OR7C1: variants seen among roughly 807,000 people sequenced by gnomAD.
OR7C1 encodes olfactory receptor 7C1.
For synonymous variants in OR7C1, 152 were observed against 160.7 expected (o/e 0.95, Z 0.41); for missense variants, 324 against 383.3 (o/e 0.85, Z 1.29).
chr19:14,802,537 A>G (rs2044646955), intron 2 of OR7C1, among the ~76,000 whole-genome samples: 1 of 152,184 alleles, frequency 6.6e-6, no homozygotes, highest in African/African-American at 2.4e-5. Context: ...ATAATTAAAG[A>G]AAGATAATAA....
In OR7C1 at chr19:14,827,186, A is replaced by G. The variant is rs2044775915; in HGVS notation, c.-623+7888T>C. 4.0e-6 allele frequency: 5 copies of G among 1,256,570 alleles called. No homozygotes were observed. In the South Asian group the frequency reaches 1.3e-4, roughly 32 times the overall value. The allele number at this position is 1,256,570 out of a possible 1,614,324, so 77.8% of individuals were successfully genotyped here. A position where few individuals can be genotyped will look rare whatever the true frequency, so the allele number is the denominator to read the frequency against. On this transcript the variant is annotated intron_variant, in intron 1 of 4. Coordinates refer to ENST00000641666, the Ensembl canonical transcript of OR7C1. ...GAAATCACAACAAATTGAAACTCCC[A>G]GAAATATAATAAGTATTAATAGAAG...
At chr19:14,824,636 C>G (rs1199478878) in intron 1 of OR7C1, 4 of 152,110 alleles carry the variant, frequency 2.6e-5, no homozygotes, top group Admixed American at 2.6e-4. Flanking sequence ...TGATGAGCAC[C>G]TGCAATGATT....
chr19:14,818,537 G>A (rs953709818), intron 1 of OR7C1, among the ~76,000 whole-genome samples: 4 of 152,218 alleles, frequency 2.6e-5, no homozygotes, highest in African/African-American at 9.6e-5. Context: ...ATCGATTAGT[G>A]GGTTTGTTAG....
At chr19:14,800,270 C>CT in exon 4 of OR7C1, 2 of 1,018,504 alleles carry the variant, frequency 2.0e-6, no homozygotes, top group Middle Eastern at 3.3e-4. Flanking sequence ...TTCTTGCTGT[C>CT]TTTTTCTGGG....
intron 2 of OR7C1, among the ~76,000 whole-genome samples, chr19:14,804,244 T>G (rs963096290): frequency 3.9e-5 from 6 of 152,160 alleles, no homozygotes; most frequent in African/African-American, 1.4e-4. Flanking sequence ...CTGCAAAGGT[T>G]GGGAGATTTT....
At chr19:14,833,751 T>C (rs2044856936) in intron 1 of OR7C1, among the ~76,000 whole-genome samples, 1 of 152,174 alleles carries the variant, frequency 6.6e-6, no homozygotes, top group South Asian at 2.1e-4. Context: ...TGATCAAATA[T>C]ATGAATATTT....
At chr19:14,813,459 G>A (rs1158124704) in intron 1 of OR7C1, among the ~76,000 whole-genome samples, 2 of 152,066 alleles carry the variant, frequency 1.3e-5, no homozygotes, top group Non-Finnish European at 2.9e-5. Context: ...GGAGGCTGAG[G>A]CAGGAGAATG....
chr19:14,827,498 G>A lies in OR7C1; in HGVS notation c.-623+7576C>T, dbSNP rs2044781154. ...CTAGGATTGCACCATAAAATAAGGA[G>A]ACAACTGAGAGGTGAGATGCACAGG... On this transcript the variant is annotated intron_variant, in intron 1 of 4. Coordinates refer to ENST00000641666, the Ensembl canonical transcript of OR7C1. 1.4e-5 allele frequency: 22 copies of A among 1,614,036 alleles called. No homozygotes were observed. The East Asian group carries it at 4.9e-4, about 36-fold the overall frequency.
intron 1 of OR7C1, chr19:14,826,523 C>T (rs2044769198): frequency 6.6e-6 from 1 of 152,128 alleles, no homozygotes; most frequent in South Asian, 2.1e-4. Flanking sequence ...TATATGGGCA[C>T]TAAGCTTCCA....
At chr19:14,827,308 C>T in intron 1 of OR7C1, 1 of 1,556,300 alleles carries the variant, frequency 6.4e-7, no homozygotes. Flanking sequence ...AAAAATTGCC[C>T]TTTCATTGTT....
chr19:14,827,067 A>G, intron 1 of OR7C1: 1 of 410,934 alleles, frequency 2.4e-6, no homozygotes, highest in Admixed American at 4.1e-5. Flanking sequence ...AATAACCTTG[A>G]GAAAGTAGGA....
rs547266762 is a variant in OR7C1 at position 14,815,644 on chromosome 19, C to T, written c.-622-5651G>A. Among the ~76,000 whole-genome samples, 7 of 152,280 alleles carry T rather than the reference C, an allele frequency of 4.6e-5. No homozygotes were observed. The South Asian group carries it at 1.5e-3, about 32-fold the overall frequency. On this transcript the variant is annotated intron_variant, in intron 1 of 4. Transcript: ENST00000641666. ...GGGGGTTTAAAAGTTAACATAGCCA[C>T]ATAAACATGTTTCCCTTAGTTTAGA...
In OR7C1 at chr19:14,816,736, A is replaced by G. The variant is rs537630208; in HGVS notation, c.-622-6743T>C. On this transcript the variant is annotated intron_variant, in intron 1 of 4. Transcript: ENST00000641666. ...AATACTCCTTAATAAACTCCACTTC[A>G]TATATATATCTATCCTATTAGTTCT... Among the ~76,000 whole-genome samples the G allele has an allele frequency of 6.9e-4, 105 of 152,278 alleles. 2 individuals are homozygous for G. In the South Asian group the frequency reaches 0.021, roughly 30 times the overall value.
intron 1 of OR7C1, among the ~76,000 whole-genome samples, chr19:14,816,488 G>A (rs1599918781): frequency 1.3e-5 from 2 of 152,162 alleles, no homozygotes; most frequent in Admixed American, 1.3e-4. Context: ...TTCTCCCATG[G>A]TGAATGCTTC....
chr19:14,831,274 A>G lies in OR7C1; in HGVS notation c.-623+3800T>C, dbSNP rs555295450. Among the ~76,000 whole-genome samples, 11 of 152,292 alleles carry G rather than the reference A, an allele frequency of 7.2e-5. No individual in the cohort carries two copies. In the South Asian group the frequency reaches 2.1e-3, roughly 29 times the overall value. Reference sequence around the variant, plus strand: ...ACAATTCACAAAAAGAAACATACAAACAATGACAAGATTTGGGCATTTTTA... The same window carrying G: ...ACAATTCACAAAAAGAAACATACAAGCAATGACAAGATTTGGGCATTTTTA... On this transcript the variant is annotated intron_variant, in intron 1 of 4. Transcript: ENST00000641666.
exon 5 of OR7C1, chr19:14,798,841 A>G: frequency 4.9e-6 from 1 of 205,914 alleles, no homozygotes; most frequent in Middle Eastern, 2.0e-3. Flanking sequence ...CTCCATGTTG[A>G]ACATGACTGG....
chr19:14,832,592 A>G (rs2044844273), intron 1 of OR7C1, among the ~76,000 whole-genome samples: 1 of 151,434 alleles, frequency 6.6e-6, no homozygotes, highest in South Asian at 2.1e-4. Context: ...ACACCTGGCT[A>G]ATTTTTGTAT....
At chr19:14,813,480 A>G (rs956742681) in intron 1 of OR7C1, among the ~76,000 whole-genome samples, 2 of 151,894 alleles carry the variant, frequency 1.3e-5, no homozygotes, top group Non-Finnish European at 2.9e-5. Context: ...GCATGAACCC[A>G]GGAGGTGGAG....
intron 1 of OR7C1, chr19:14,827,840 G>T (rs777520375): frequency 4.4e-5 from 71 of 1,614,066 alleles, no homozygotes; most frequent in Non-Finnish European, 5.7e-5. Flanking sequence ...GGTTCATAAT[G>T]ACCATGTAGT....
Sources: allele counts gnomAD v4.1 joint callset (sites outside exome capture counted in the v4.1 genomes callset), GRCh38; gene constraint gnomAD v4.1.1; transcripts MANE v1.5; gene names NCBI Gene and HGNC (gene_info 2026-07-23, HGNC 2026-07-21).